The following NKAIN3 variants were observed in gnomAD, a reference collection of about 807,000 sequenced individuals.
NKAIN3 encodes sodium/potassium transporting ATPase interacting 3, also known as sodium/potassium-transporting ATPase subunit beta-1-interacting protein 3.
A neutral mutation model predicts 30.2 loss-of-function variants in NKAIN3; 25 were observed. The observed-to-expected ratio is 0.83, with a 90% CI of 0.60 to 1.16. The LOEUF is 1.16. NKAIN3 is among the 50% of genes most tolerant of loss of function. The pLI is 0.00. For missense variants in NKAIN3, 225 were observed against 254.1 expected (o/e 0.89, Z 0.78); for synonymous variants, 91 against 89.6 (o/e 1.02, Z -0.09).
intron 6 of NKAIN3, among the ~76,000 whole-genome samples, chr8:62,962,828 A>T (rs1309101353): frequency 1.3e-5 from 2 of 152,158 alleles, no homozygotes; most frequent in African/African-American, 4.8e-5. Context: ...CATAACTTTT[A>T]TTTTAGTTGA....
chr8:62,353,317 C>T (rs1816240373), intron 1 of NKAIN3, among the ~76,000 whole-genome samples: 1 of 152,194 alleles, frequency 6.6e-6, no homozygotes, highest in African/African-American at 2.4e-5. Context: ...GATTTTAATG[C>T]AATTAGAACT....
chr8:62,377,804 A>C (rs1817139832), intron 1 of NKAIN3, among the ~76,000 whole-genome samples: 1 of 152,066 alleles, frequency 6.6e-6, no homozygotes. Flanking sequence ...GTTTCTTGAG[A>C]CCTTCCCAGC....
chr8:62,504,482 A>G (rs888769372), intron 1 of NKAIN3, among the ~76,000 whole-genome samples: 7 of 151,804 alleles, frequency 4.6e-5, no homozygotes, highest in African/African-American at 4.8e-5. Flanking sequence ...TTCTATCCCA[A>G]TCCTCACATC....
chr8:62,963,574 T>C (rs16929959), intron 6 of NKAIN3, among the ~76,000 whole-genome samples: 36,506 of 152,206 alleles, frequency 0.24, 4,804 homozygotes, highest in East Asian at 0.5. Flanking sequence ...ATTCATGTAT[T>C]GGATGGATAA....
intron 5 of NKAIN3, among the ~76,000 whole-genome samples, chr8:62,919,906 G>GTTGT (rs771893340): frequency 3.8e-5 from 2 of 52,264 alleles, no homozygotes; most frequent in African/African-American, 1.4e-4. Context: ...CTTACACAGA[G>GTTGT]TTTTTTTTTT....
intron 1 of NKAIN3, chr8:62,483,231 T>C (rs1348462704): frequency 6.6e-6 from 1 of 152,302 alleles, no homozygotes; most frequent in Non-Finnish European, 1.5e-5. Flanking sequence ...TTGAGAAAAC[T>C]GTAGAAAGTT....
chr8:62,919,393 C>G (rs368822367), intron 5 of NKAIN3, among the ~76,000 whole-genome samples: 3 of 151,358 alleles, frequency 2.0e-5, no homozygotes, highest in Non-Finnish European at 4.4e-5. Flanking sequence ...TACAGGCACC[C>G]GCCACCATGT....
intron 1 of NKAIN3, among the ~76,000 whole-genome samples, chr8:62,321,709 C>T (rs1814919119): frequency 6.7e-6 from 1 of 149,686 alleles, no homozygotes; most frequent in African/African-American, 2.6e-5. Context: ...CAGAGGAGTA[C>T]CTGGCTGTGT....
chr8:62,731,626 T>A (rs551283001), intron 3 of NKAIN3, among the ~76,000 whole-genome samples: 1 of 152,166 alleles, frequency 6.6e-6, no homozygotes, highest in East Asian at 1.9e-4. Flanking sequence ...CGGGCTCCCA[T>A]CCCTGACAGC....
chr8:62,299,844 T>C (rs1411631657), intron 1 of NKAIN3, among the ~76,000 whole-genome samples: 1 of 152,132 alleles, frequency 6.6e-6, no homozygotes, highest in Non-Finnish European at 1.5e-5. Flanking sequence ...CACCTTTTCT[T>C]AGAGAAAAAG....
intron 3 of NKAIN3, among the ~76,000 whole-genome samples, chr8:62,705,685 T>C (rs145709442): frequency 6.6e-6 from 1 of 152,316 alleles, no homozygotes; most frequent in African/African-American, 2.4e-5. Context: ...AGAGGTTTCT[T>C]AAAATTTTGT....
At chr8:62,952,919 G>C (rs1823324270) in intron 5 of NKAIN3, among the ~76,000 whole-genome samples, 2 of 152,134 alleles carry the variant, frequency 1.3e-5, no homozygotes, top group Non-Finnish European at 2.9e-5. Context: ...GCACCAGAAG[G>C]AATAGAAGTT....
intron 4 of NKAIN3, among the ~76,000 whole-genome samples, chr8:62,807,864 G>T (rs1274474282): frequency 6.6e-6 from 1 of 150,558 alleles, no homozygotes; most frequent in African/African-American, 2.4e-5. Flanking sequence ...TTATAAAAAT[G>T]ATTTATTGTT....
At chr8:62,372,329 T>A (rs1399538103) in intron 1 of NKAIN3, among the ~76,000 whole-genome samples, 2 of 151,990 alleles carry the variant, frequency 1.3e-5, no homozygotes, top group African/African-American at 4.8e-5. Context: ...AGACTTAAAA[T>A]GTCATAAATA....
intron 1 of NKAIN3, among the ~76,000 whole-genome samples, chr8:62,472,260 A>C (rs1806377718): frequency 6.6e-6 from 1 of 152,088 alleles, no homozygotes. Context: ...CTGAATCAGG[A>C]ATAGGCTACA....
chr8:62,987,008 A>G (rs1264743243), downstream of NKAIN3, among the ~76,000 whole-genome samples: 2 of 152,140 alleles, frequency 1.3e-5, no homozygotes, highest in Non-Finnish European at 2.9e-5. Context: ...TTCATGTATA[A>G]TGGTTATATC....
At chr8:62,699,184 CCTA>C (rs765515088) in intron 3 of NKAIN3, among the ~76,000 whole-genome samples, 1 of 152,066 alleles carries the variant, frequency 6.6e-6, no homozygotes, top group Non-Finnish European at 1.5e-5. Flanking sequence ...AATTTTTCTT[CCTA>C]CTTTTTGAAA....
intron 3 of NKAIN3, among the ~76,000 whole-genome samples, chr8:62,600,294 C>T (rs544223673): frequency 6.6e-6 from 1 of 152,128 alleles, no homozygotes; most frequent in Non-Finnish European, 1.5e-5. Context: ...GAATGAAAGA[C>T]ATTCTACAAG....
At chr8:62,249,237 G>C (rs367915914) in intron 1 of NKAIN3, 110 bp downstream of exon 1, 5 of 919,274 alleles carry the variant, frequency 5.4e-6, no homozygotes, top group Admixed American at 3.0e-5. Flanking sequence ...CGGGTGAACA[G>C]GGCGCTCCGC....
Sources: gnomAD v4.1 joint callset for allele counts (sites outside exome capture counted in the v4.1 genomes callset) on GRCh38, gnomAD v4.1.1 for gene constraint, MANE v1.5 for transcripts, NCBI Gene and HGNC (gene_info 2026-07-23, HGNC 2026-07-21) for gene names.